The following CELF4 variants were observed in gnomAD, a reference collection of about 807,000 sequenced individuals.
CELF4 encodes the protein CUG-BP- and ETR-3-like factor 4.
In CELF4, 18 loss-of-function variants were observed where a neutral mutation model predicts 59.9. The ratio of observed to expected loss-of-function variants is 0.30; its 90% CI spans 0.21 to 0.45. The LOEUF (loss-of-function observed/expected upper bound fraction) is 0.45. Ranked by LOEUF, CELF4 falls within the 20% of genes least tolerant of loss-of-function variation. The pLI, the probability that CELF4 is intolerant of heterozygous loss-of-function variation, is 1.00. For missense variants in CELF4, 456 were observed against 689.0 expected (o/e 0.66, Z 3.79); for synonymous variants, 261 against 267.1 (o/e 0.98, Z 0.22).
chr18:37,315,794 C>T (rs992137395), intron 3 of CELF4, among the ~76,000 whole-genome samples: 1 of 152,184 alleles, frequency 6.6e-6, no homozygotes. Flanking sequence ...ATCAGCCACT[C>T]GTCCCCTCCT....
At chr18:37,335,736 C>T (rs2154543185) in intron 2 of CELF4, among the ~76,000 whole-genome samples, 1 of 152,176 alleles carries the variant, frequency 6.6e-6, no homozygotes, top group Middle Eastern at 3.4e-3. Flanking sequence ...AAACCTGCCC[C>T]ACTCTCCTAC....
intron 2 of CELF4, among the ~76,000 whole-genome samples, chr18:37,362,691 G>A (rs1280895831): frequency 1.3e-5 from 2 of 151,712 alleles, no homozygotes; most frequent in Admixed American, 6.6e-5. Context: ...CCCTGCCCGC[G>A]CTGAACTCTG....
chr18:37,410,780 A>G (rs2099441878), intron 2 of CELF4, among the ~76,000 whole-genome samples: 1 of 152,216 alleles, frequency 6.6e-6, no homozygotes, highest in Non-Finnish European at 1.5e-5. Context: ...GCACACAAGC[A>G]GCCTGAGGTG....
At chr18:37,556,612 G>A (rs1266918730) in intron 1 of CELF4, among the ~76,000 whole-genome samples, 1 of 152,138 alleles carries the variant, frequency 6.6e-6, no homozygotes, top group Non-Finnish European at 1.5e-5. Context: ...CATGGAAGGT[G>A]GTGTCAGGGT....
rs2099945054 is a variant in CELF4, at chr18:37,512,117, G to A, written c.287-26510C>T. 3.3e-5 allele frequency among the ~76,000 whole-genome samples: 5 copies of A among 152,336 alleles called. No homozygotes were observed. The South Asian group carries it at 1.0e-3, about 32-fold the overall frequency. ...GCTCTGCTGTCCTTCGCTGGGCTGGGAGGGCCAGGGACAGTTGGGGGGCAG... is the reference window on the plus strand; with the variant it reads ...GCTCTGCTGTCCTTCGCTGGGCTGGAAGGGCCAGGGACAGTTGGGGGGCAG... On this transcript the variant is annotated intron_variant, in intron 1 of 12. Coordinates refer to ENST00000420428, the MANE Select transcript of CELF4 (RefSeq NM_020180.4).
intron 2 of CELF4, among the ~76,000 whole-genome samples, chr18:37,339,879 G>T (rs938920404): frequency 2.6e-5 from 4 of 152,088 alleles, no homozygotes; most frequent in African/African-American, 9.7e-5. Context: ...CAAGGGGAGA[G>T]GGTAGGCGCT....
chr18:37,370,163 G>T (rs988646876), intron 2 of CELF4, among the ~76,000 whole-genome samples: 1 of 152,144 alleles, frequency 6.6e-6, no homozygotes, highest in Non-Finnish European at 1.5e-5. Context: ...AATCCAATAG[G>T]TCCTATCCCA....
intron 2 of CELF4, among the ~76,000 whole-genome samples, chr18:37,326,220 A>C (rs1383632005): frequency 1.3e-5 from 2 of 152,204 alleles, no homozygotes; most frequent in African/African-American, 4.8e-5. Flanking sequence ...AAGGGAGAGC[A>C]GAGGGGTCAG....
intron 2 of CELF4, among the ~76,000 whole-genome samples, chr18:37,381,044 C>A (rs1255295948): frequency 6.6e-6 from 1 of 151,298 alleles, no homozygotes; most frequent in Non-Finnish European, 1.5e-5. Flanking sequence ...CATCATCTAC[C>A]ATCCATCCAT....
chr18:37,414,806 C>T (rs910963844), intron 2 of CELF4, among the ~76,000 whole-genome samples: 14 of 152,102 alleles, frequency 9.2e-5, no homozygotes, highest in African/African-American at 3.4e-4. Flanking sequence ...CCTAATTCAT[C>T]CATCCATCCA....
At chr18:37,481,357 A>G (rs550031401) in intron 2 of CELF4, among the ~76,000 whole-genome samples, 73 of 152,264 alleles carry the variant, frequency 4.8e-4, no homozygotes, top group Middle Eastern at 3.4e-3. Flanking sequence ...CCTGGTGAGA[A>G]GCCCTTTCTG....
chr18:37,565,259 C>G, intron 1 of CELF4, 97 bp downstream of exon 1: 1 of 1,394,498 alleles, frequency 7.2e-7, no homozygotes, highest in Non-Finnish European at 9.7e-7. Flanking sequence ...GAGGCTTCCT[C>G]TCGCTTAGTC....
intron 12 of CELF4, among the ~76,000 whole-genome samples, chr18:37,250,870 C>A (rs1415061090): frequency 6.6e-6 from 1 of 152,170 alleles, no homozygotes; most frequent in Non-Finnish European, 1.5e-5. Flanking sequence ...AAATGTCAAC[C>A]TTACTGTAGG....
chr18:37,249,747 G>A (rs567287204), intron 12 of CELF4, among the ~76,000 whole-genome samples: 6 of 152,154 alleles, frequency 3.9e-5, no homozygotes, highest in South Asian at 2.1e-4. Context: ...ATCACTGACC[G>A]GCATGGTGAA....
intron 2 of CELF4, among the ~76,000 whole-genome samples, chr18:37,447,472 C>T (rs1459579476): frequency 1.3e-5 from 2 of 152,212 alleles, no homozygotes; most frequent in Non-Finnish European, 2.9e-5. Flanking sequence ...TCCTTTACCA[C>T]CCCTTCCAAT....
At position 37,507,224 on chromosome 18, in the gene CELF4, C is replaced by A. The variant is rs761068027; in HGVS notation, c.287-21617G>T. Among the ~76,000 whole-genome samples, 3 of 152,340 alleles carry A rather than the reference C, an allele frequency of 2.0e-5. No individual in the cohort carries two copies. In the East Asian group the frequency reaches 5.8e-4, roughly 29 times the overall value. On this transcript the variant is annotated intron_variant, in intron 1 of 12. Transcript: ENST00000420428. ...ACTGCTCAAGGCCCAGAGACCCTGA[C>A]AGTCATCTGAGTGAGTGCTAGGAAC...
intron 2 of CELF4, among the ~76,000 whole-genome samples, chr18:37,474,750 C>A (rs977968258): frequency 6.6e-6 from 1 of 152,214 alleles, no homozygotes; most frequent in Non-Finnish European, 1.5e-5. Flanking sequence ...TTGATCTGCT[C>A]TCTTATTTGG....
chr18:37,429,515 T>C (rs2154599341), intron 2 of CELF4, among the ~76,000 whole-genome samples: 1 of 152,306 alleles, frequency 6.6e-6, no homozygotes, highest in South Asian at 2.1e-4. Context: ...ATACATTCTG[T>C]GTATGTTTGG....
intron 2 of CELF4, among the ~76,000 whole-genome samples, chr18:37,329,799 G>A (rs1199696693): frequency 6.6e-6 from 1 of 152,248 alleles, no homozygotes; most frequent in Non-Finnish European, 1.5e-5. Context: ...AGACTGCAGA[G>A]CACGAAACCC....
Sources: allele counts gnomAD v4.1 joint callset (sites outside exome capture counted in the v4.1 genomes callset), GRCh38; gene constraint gnomAD v4.1.1; transcripts MANE v1.5; gene names NCBI Gene and HGNC (gene_info 2026-07-23, HGNC 2026-07-21).